The following KCNG2 variants were observed in gnomAD, a reference collection of about 807,000 sequenced individuals.
The protein encoded by KCNG2 is voltage-gated potassium channel regulatory subunit KCNG2.
In KCNG2, 7 loss-of-function variants were observed where a neutral mutation model predicts 12.3. The ratio of observed to expected loss-of-function variants is 0.57; its 90% CI spans 0.32 to 1.07. The LOEUF (loss-of-function observed/expected upper bound fraction) is 1.07. KCNG2 is among the 50% of genes least tolerant of loss of function. The pLI, the probability that KCNG2 is intolerant of heterozygous loss-of-function variation, is 0.04. For missense variants in KCNG2, 703 were observed against 726.0 expected, an observed-to-expected ratio of 0.97 and a Z score of 0.36; for synonymous variants, 414 against 351.4, an observed-to-expected ratio of 1.18 and a Z score of -1.99.
At chr18:79,871,762 C>T (rs1019882017) in intron 3 of KCNG2, among the ~76,000 whole-genome samples, 15 of 152,228 alleles carry the variant, frequency 9.9e-5, no homozygotes, top group Admixed American at 7.2e-4. Context: ...TGGACGTCTG[C>T]GGTGCAGAGG....
At position 79,846,242 on chromosome 18, in the gene KCNG2, G is replaced by A. The variant is rs549230883; in HGVS notation, c.-114-10137G>A. On this transcript the variant is annotated intron_variant, in intron 1 of 3. Coordinates refer to ENST00000316249, the MANE Select transcript of KCNG2 (RefSeq NM_012283.2). Reference sequence around the variant, plus strand: ...CAAAAAATTGGCCAGGCGTGGTGGCGGGCGCCTGTAGTCCCAGCTACTTGG... The same window carrying A: ...CAAAAAATTGGCCAGGCGTGGTGGCAGGCGCCTGTAGTCCCAGCTACTTGG... Among the ~76,000 whole-genome samples, 14 of 151,576 alleles carry A rather than the reference G, an allele frequency of 9.2e-5. No individual in the cohort carries two copies. The East Asian group carries it at 2.5e-3, about 27-fold the overall frequency.
intron 3 of KCNG2, among the ~76,000 whole-genome samples, chr18:79,871,826 G>A (rs1326461592): frequency 6.6e-6 from 1 of 152,256 alleles, no homozygotes; most frequent in East Asian, 1.9e-4. Flanking sequence ...AGCTGCGGCT[G>A]CTCTTTACCA....
intron 3 of KCNG2, among the ~76,000 whole-genome samples, chr18:79,890,900 GAA>G (rs2123125114): frequency 6.6e-6 from 1 of 152,288 alleles, no homozygotes; most frequent in East Asian, 1.9e-4. Context: ...GTAAGAGCAT[GAA>G]TCACATCTCT....
chr18:79,887,198 G>A (rs1980556153), intron 3 of KCNG2, among the ~76,000 whole-genome samples: 1 of 151,558 alleles, frequency 6.6e-6, no homozygotes, highest in South Asian at 2.1e-4. Flanking sequence ...GACAGATGGG[G>A]ACAGGGACAC....
In KCNG2 at chr18:79,899,402, C is replaced by T. The variant is rs954492330; in HGVS notation, c.987C>T (p.Leu329=). Residue 329 remains leucine, a synonymous_variant, in exon 4 of 4, where the codon CTC becomes CTT. Coordinates refer to ENST00000316249, the MANE Select transcript of KCNG2 (RefSeq NM_012283.2). ...AREFGLLLLF[L]CVAMALFAPL... ...AGTTCGGGCTGCTGCTGCTGTTCCT[C>T]TGCGTGGCCATGGCGCTCTTCGCGC... 4 of 1,580,772 alleles carry T rather than the reference C, an allele frequency of 2.5e-6. No individual in the cohort carries two copies. The highest frequency in any genetic ancestry group is 3.4e-6 in the Non-Finnish European group (4 of 1,168,220).
chr18:79,888,441 CGGCGGCGTCCTCCTCATG>C (rs1275683165), intron 3 of KCNG2, among the ~76,000 whole-genome samples: 10 of 132,150 alleles, frequency 7.6e-5, no homozygotes, highest in African/African-American at 2.4e-4. Flanking sequence ...GGGGCCGGGA[CGGCGGCGTCCTCCTCATG>C]AGGCCGCGGT....
At position 79,841,736 on chromosome 18, in the gene KCNG2, T is replaced by A. The variant is rs1260052852; in HGVS notation, c.-114-14643T>A. Among the ~76,000 whole-genome samples, 12 of 152,310 alleles carry A rather than the reference T, an allele frequency of 7.9e-5. No individual in the cohort carries two copies. In the East Asian group the frequency reaches 2.1e-3, roughly 27 times the overall value. Reference sequence around the variant, plus strand: ...AGATAGCAAAATAGGAGTTTCCAGTTTTCATACTCTTAGAGAAACAGTTTG... The same window carrying A: ...AGATAGCAAAATAGGAGTTTCCAGTATTCATACTCTTAGAGAAACAGTTTG... On this transcript the variant is annotated intron_variant, in intron 1 of 3. Transcript: ENST00000316249.
At chr18:79,818,623 G>T (rs537861646) in intron 1 of KCNG2, among the ~76,000 whole-genome samples, 21 of 152,166 alleles carry the variant, frequency 1.4e-4, no homozygotes, top group Non-Finnish European at 3.1e-4. Context: ...AGTCCCTCCC[G>T]CCAGCATCTC....
chr18:79,893,078 C>T (rs960228418), intron 3 of KCNG2, among the ~76,000 whole-genome samples: 2 of 151,804 alleles, frequency 1.3e-5, no homozygotes, highest in Non-Finnish European at 2.9e-5. Context: ...TTGTTCGCTC[C>T]ATTCACATCT....
intron 1 of KCNG2, among the ~76,000 whole-genome samples, chr18:79,848,333 G>C (rs963912058): frequency 6.6e-6 from 1 of 152,166 alleles, no homozygotes; most frequent in Non-Finnish European, 1.5e-5. Context: ...TCTCAACCCC[G>C]GGAGTCCCAA....
At chr18:79,864,340 C>G in intron 3 of KCNG2, 49 bp downstream of exon 3, 1 of 424,344 alleles carries the variant, frequency 2.4e-6, no homozygotes, top group Non-Finnish European at 3.6e-6. Context: ...TGGGGCTGGG[C>G]TGGGATCTGG....
At chr18:79,881,338 A>G (rs1264051830) in intron 3 of KCNG2, among the ~76,000 whole-genome samples, 4 of 152,190 alleles carry the variant, frequency 2.6e-5, no homozygotes, top group Non-Finnish European at 5.9e-5. Context: ...TTGGAAAGCA[A>G]GAGAACAGGA....
rs563646172 is a variant in KCNG2 at position 79,881,901 on chromosome 18, C to T, written c.625-17139C>T. 7.2e-5 allele frequency among the ~76,000 whole-genome samples: 11 copies of T among 152,300 alleles called. No individual in the cohort carries two copies. The South Asian group carries it at 2.3e-3, about 32-fold the overall frequency. ...TCGTGGACACAGTCCAGGAATAGAA[C>T]CACATGAATGGGGCCAGCCGGCGTT... On this transcript the variant is annotated intron_variant, in intron 3 of 3. Transcript: ENST00000316249.
intron 3 of KCNG2, among the ~76,000 whole-genome samples, chr18:79,873,217 C>A (rs1979921791): frequency 6.6e-6 from 1 of 152,206 alleles, no homozygotes; most frequent in Non-Finnish European, 1.5e-5. Flanking sequence ...CCCTCTCCAC[C>A]CAGCGTTTCT....
chr18:79,860,774 TTTTTC>T (rs918925593), intron 2 of KCNG2, among the ~76,000 whole-genome samples: 7 of 152,222 alleles, frequency 4.6e-5, no homozygotes, highest in African/African-American at 1.2e-4. Flanking sequence ...TAGTTTTACT[TTTTTC>T]TTTTGAGTGT....
intron 3 of KCNG2, among the ~76,000 whole-genome samples, chr18:79,879,715 T>C (rs1460137294): frequency 6.6e-6 from 1 of 152,156 alleles, no homozygotes; most frequent in African/African-American, 2.4e-5. Context: ...TGGTTCAGAA[T>C]TGGCTCAGAA....
rs535550035 is a variant in KCNG2 at position 79,884,728 on chromosome 18, C to T, written c.625-14312C>T. ...CACGTGGCTTCGTGATGGGGAGCCACGGGGGCAGGGGTCCGCCCGGCTCTG... is the reference window on the plus strand; with the variant it reads ...CACGTGGCTTCGTGATGGGGAGCCATGGGGGCAGGGGTCCGCCCGGCTCTG... On this transcript the variant is annotated intron_variant, in intron 3 of 3. Coordinates refer to ENST00000316249, the MANE Select transcript of KCNG2 (RefSeq NM_012283.2). The surrounding 1 kb of genome is among the most constrained non-coding windows in gnomAD (Gnocchi z 5.5). Among the ~76,000 whole-genome samples the T allele has an allele frequency of 5.9e-5, 9 of 152,206 alleles. No homozygotes were observed. Among genetic ancestry groups the T allele is most frequent in the East Asian group, 1.9e-4 (1 of 5,184 alleles).
intron 3 of KCNG2, among the ~76,000 whole-genome samples, chr18:79,879,767 C>T (rs1431289794): frequency 6.6e-6 from 1 of 152,062 alleles, no homozygotes; most frequent in African/African-American, 2.4e-5. Flanking sequence ...ACGAATCCCC[C>T]AAGGCTGAAT....
chr18:79,881,149 G>C (rs1980277535), intron 3 of KCNG2, among the ~76,000 whole-genome samples: 1 of 152,234 alleles, frequency 6.6e-6, no homozygotes, highest in Non-Finnish European at 1.5e-5. Flanking sequence ...GAAAGCAAGA[G>C]AATAGAACTG....
Sources: allele counts gnomAD v4.1 joint callset (sites outside exome capture counted in the v4.1 genomes callset), GRCh38; gene constraint gnomAD v4.1.1; non-coding constraint Gnocchi (gnomAD v3.1); transcripts MANE v1.5; gene names NCBI Gene and HGNC (gene_info 2026-07-23, HGNC 2026-07-21).